SDK1: variants seen among roughly 807,000 people sequenced by gnomAD.
SDK1 encodes sidekick cell adhesion molecule 1.
Under a neutral mutation model 245.5 loss-of-function variants are expected in SDK1, and 157 were observed. That is an observed-to-expected ratio of 0.64 (90% CI 0.56 to 0.73). The LOEUF (loss-of-function observed/expected upper bound fraction) is 0.73, where lower values mean the gene tolerates loss of function less well. Ranked by LOEUF, SDK1 falls within the 30% of genes least tolerant of loss-of-function variation. SDK1 has a pLI of 0.00. For missense variants in SDK1, 3,583 were observed against 3,002.3 expected, an observed-to-expected ratio of 1.19 and a Z score of -4.52; for synonymous variants, 1,647 against 1,278.5, an observed-to-expected ratio of 1.29 and a Z score of -6.15.
At chr7:3,585,514 G>T (rs1780657608) in intron 1 of SDK1, among the ~76,000 whole-genome samples, 2 of 152,204 alleles carry the variant, frequency 1.3e-5, no homozygotes, top group African/African-American at 4.8e-5. Context: ...AGGACTGATG[G>T]TAGCTGGAGG....
intron 40 of SDK1, among the ~76,000 whole-genome samples, chr7:4,222,014 A>G (rs1488276669): frequency 1.3e-5 from 2 of 152,232 alleles, no homozygotes; most frequent in African/African-American, 2.4e-5. Context: ...AACAGCTCCA[A>G]TATGACCTTC....
intron 1 of SDK1, among the ~76,000 whole-genome samples, chr7:3,369,921 G>A (rs1781181532): frequency 6.6e-6 from 1 of 152,202 alleles, no homozygotes; most frequent in African/African-American, 2.4e-5. Flanking sequence ...TGCGGACTGG[G>A]AGCACAGTGC....
At chr7:3,850,577 A>G (rs1037017284) in intron 5 of SDK1, among the ~76,000 whole-genome samples, 1 of 152,186 alleles carries the variant, frequency 6.6e-6, no homozygotes. Flanking sequence ...TTGCAGCACT[A>G]TTCACAATAG....
chr7:4,051,694 A>G lies in SDK1; in HGVS notation c.2775A>G (p.Pro925=). 1 of 1,613,708 alleles carries G rather than the reference A, an allele frequency of 6.2e-7. No individual in the cohort carries two copies. Among genetic ancestry groups the G allele is most frequent in the African/African-American group, 1.3e-5 (1 of 75,006 alleles). The change falls in exon 19 of 45, where the codon CCA becomes CCG. Residue 925 remains proline, a synonymous_variant. Transcript: ENST00000404826. ...PEAVTVVTIA[P]DFHGVHHGHI... Reference sequence around the variant, plus strand: ...CTGTCACTGTGGTCACTATTGCCCCAGATTTCCACGGAGTCCACCATGGAC... The same window carrying G: ...CTGTCACTGTGGTCACTATTGCCCCGGATTTCCACGGAGTCCACCATGGAC...
intron 5 of SDK1, among the ~76,000 whole-genome samples, chr7:3,898,083 A>G (rs567072162): frequency 6.6e-6 from 1 of 152,348 alleles, no homozygotes; most frequent in African/African-American, 2.4e-5. Context: ...GAAGCAACTC[A>G]TATTCCAGGG....
chr7:3,758,368 T>G (rs1015317736), intron 4 of SDK1, among the ~76,000 whole-genome samples: 35 of 152,236 alleles, frequency 2.3e-4, no homozygotes, highest in African/African-American at 8.4e-4. Flanking sequence ...ATCTGTCCCA[T>G]CTCCCATTTA....
At chr7:3,351,969 A>T (rs1015803240) in intron 1 of SDK1, among the ~76,000 whole-genome samples, 1 of 152,092 alleles carries the variant, frequency 6.6e-6, no homozygotes, top group Non-Finnish European at 1.5e-5. Context: ...TTGATTACAT[A>T]TAGGAATATA....
At chr7:4,014,485 C>T (rs1172992299) in intron 16 of SDK1, among the ~76,000 whole-genome samples, 2 of 152,164 alleles carry the variant, frequency 1.3e-5, no homozygotes, top group African/African-American at 2.4e-5. Flanking sequence ...AAAACATTTC[C>T]GCATAATCCT....
intron 4 of SDK1, among the ~76,000 whole-genome samples, chr7:3,802,711 G>C (rs1028147157): frequency 6.6e-6 from 1 of 152,052 alleles, no homozygotes; most frequent in African/African-American, 2.4e-5. Flanking sequence ...CCCTACATTA[G>C]GTGACCTTTT....
At chr7:3,592,578 C>T (rs2128636021) in intron 1 of SDK1, among the ~76,000 whole-genome samples, 2 of 152,202 alleles carry the variant, frequency 1.3e-5, no homozygotes, top group African/African-American at 2.4e-5. Flanking sequence ...ATTTATTTTT[C>T]CCTGAGCTGG....
At chr7:4,055,330 G>T (rs1779127838) in intron 19 of SDK1, among the ~76,000 whole-genome samples, 1 of 152,126 alleles carries the variant, frequency 6.6e-6, no homozygotes, top group African/African-American at 2.4e-5. Flanking sequence ...GGAGTTGTTG[G>T]TTTTCAAGGA....
chr7:4,241,181 C>G (rs1336240482), intron 42 of SDK1, among the ~76,000 whole-genome samples: 2 of 152,202 alleles, frequency 1.3e-5, no homozygotes, highest in African/African-American at 4.8e-5. Flanking sequence ...TGACCACAGT[C>G]AGTTCTAGAA....
At chr7:4,036,923 C>G (rs28510293) in intron 17 of SDK1, among the ~76,000 whole-genome samples, 2,562 of 152,256 alleles carry the variant, frequency 0.017, 71 homozygotes, top group African/African-American at 0.059. Context: ...AGTTGGTATA[C>G]TTTTCACAGG....
intron 31 of SDK1, among the ~76,000 whole-genome samples, chr7:4,159,016 C>T (rs1312878810): frequency 6.6e-6 from 1 of 152,204 alleles, no homozygotes; most frequent in African/African-American, 2.4e-5. Context: ...GATTGTTATT[C>T]TGTGTGGCCC....
Position 3,475,263 on chromosome 7 carries a change from A to G in SDK1, c.299-143817A>G, listed in dbSNP as rs186553427. ...TCTTCAAGGCCTGGCCCTTCCTTGG[A>G]TACTTGTTCTCCCCTCTGTCTGGAA... On this transcript the variant is annotated intron_variant, in intron 1 of 44. Transcript: ENST00000404826. 5.5e-4 allele frequency among the ~76,000 whole-genome samples: 83 copies of G among 151,990 alleles called. 1 individual carries two copies. Among genetic ancestry groups the G allele is most frequent in the African/African-American group, 1.9e-3 (78 of 41,434 alleles).
intron 1 of SDK1, among the ~76,000 whole-genome samples, chr7:3,612,910 C>A (rs1781647796): frequency 1.3e-5 from 2 of 152,124 alleles, no homozygotes; most frequent in African/African-American, 2.4e-5. Context: ...CAGACTACCC[C>A]CCACCCCCCT....
chr7:3,368,337 C>T (rs1781142106), intron 1 of SDK1, among the ~76,000 whole-genome samples: 1 of 152,192 alleles, frequency 6.6e-6, no homozygotes, highest in Non-Finnish European at 1.5e-5. Context: ...TCCCATTAGG[C>T]TGCTGTTAAA....
At chr7:3,417,355 C>T (rs1183866278) in intron 1 of SDK1, among the ~76,000 whole-genome samples, 1 of 152,190 alleles carries the variant, frequency 6.6e-6, no homozygotes, top group Non-Finnish European at 1.5e-5. Context: ...CTTCTTTCTG[C>T]TGCATGTGGT....
intron 1 of SDK1, among the ~76,000 whole-genome samples, chr7:3,524,280 C>G (rs908387897): frequency 2.0e-5 from 3 of 152,048 alleles, no homozygotes; most frequent in Non-Finnish European, 4.4e-5. Flanking sequence ...GATGCTGAGT[C>G]AAGGTGGAAA....
Sources: gnomAD v4.1 joint callset for allele counts (sites outside exome capture counted in the v4.1 genomes callset) on GRCh38, gnomAD v4.1.1 for gene constraint, MANE v1.5 for transcripts, NCBI Gene and HGNC (gene_info 2026-07-23, HGNC 2026-07-21) for gene names.